TANGO6: variants seen among roughly 807,000 people sequenced by gnomAD.
The protein encoded by TANGO6 is transport and golgi organization 6 homolog.
Under a neutral mutation model 114.2 loss-of-function variants are expected in TANGO6, and 90 were observed. That is an observed-to-expected ratio of 0.79 (90% CI 0.66 to 0.94). The LOEUF (loss-of-function observed/expected upper bound fraction) is 0.94. TANGO6 is among the 40% of genes least tolerant of loss of function. The probability of loss-of-function intolerance (pLI) is 0.00; values close to 1 mark genes in which losing one functional copy is unlikely to be tolerated. For synonymous variants in TANGO6, 477 were observed against 509.8 expected, an observed-to-expected ratio of 0.94 and a Z score of 0.87; for missense variants, 1,274 against 1,315.3, an observed-to-expected ratio of 0.97 and a Z score of 0.49.
intron 11 of TANGO6, among the ~76,000 whole-genome samples, chr16:68,912,744 G>A (rs1962940618): frequency 6.6e-6 from 1 of 151,702 alleles, no homozygotes; most frequent in Non-Finnish European, 1.5e-5. Flanking sequence ...CCCTCTGGAA[G>A]CCACAGGGAC....
intron 15 of TANGO6, among the ~76,000 whole-genome samples, chr16:69,009,269 C>T (rs576527265): frequency 1.7e-3 from 251 of 151,012 alleles, no homozygotes; most frequent in Admixed American, 4.3e-3. Context: ...TTAGTAGAGA[C>T]GGGGTTTCTC....
chr16:68,867,291 G>T, intron 4 of TANGO6, 71 bp downstream of exon 4: 1 of 1,588,518 alleles, frequency 6.3e-7, no homozygotes, highest in East Asian at 2.2e-5. Context: ...GTGAATTATT[G>T]GTCTTTAGTA....
At chr16:68,890,304 G>A (rs983976789) in intron 7 of TANGO6, among the ~76,000 whole-genome samples, 2 of 152,124 alleles carry the variant, frequency 1.3e-5, no homozygotes, top group Non-Finnish European at 2.9e-5. Flanking sequence ...CATTTGTATG[G>A]GGTATATATT....
chr16:68,982,629 C>CATTTTTTTTTTTTTTTTTTTTTTTTTTT (rs1567553024), intron 15 of TANGO6, among the ~76,000 whole-genome samples: 10 of 120,524 alleles, frequency 8.3e-5, no homozygotes, highest in African/African-American at 3.2e-4. Context: ...CATGCCCTGG[C>CATTTTTTTTTTTTTTTTTTTTTTTTTTT]CTTTTTTTTT....
At chr16:68,932,394 A>G (rs1963254811) in intron 14 of TANGO6, among the ~76,000 whole-genome samples, 1 of 152,202 alleles carries the variant, frequency 6.6e-6, no homozygotes, top group African/African-American at 2.4e-5. Context: ...CCTGGCCAAA[A>G]TAAAATTTAA....
intron 15 of TANGO6, among the ~76,000 whole-genome samples, chr16:68,996,320 T>C (rs985792924): frequency 1.3e-5 from 2 of 152,232 alleles, no homozygotes; most frequent in Admixed American, 1.3e-4. Context: ...CATGTCAATC[T>C]AATTTCCTTT....
intron 7 of TANGO6, among the ~76,000 whole-genome samples, chr16:68,892,167 C>A (rs1313173176): frequency 6.6e-6 from 1 of 152,208 alleles, no homozygotes; most frequent in Non-Finnish European, 1.5e-5. Context: ...CTGCTGCCTT[C>A]AAGGCGTTCC....
chr16:69,079,329 A>AAAAC (rs771278559), intron 17 of TANGO6, among the ~76,000 whole-genome samples: 5 of 149,202 alleles, frequency 3.4e-5, no homozygotes, highest in East Asian at 1.9e-4. Flanking sequence ...AACTGTCTCA[A>AAAAC]AAACAAATAA....
At chr16:68,928,222 A>G in intron 13 of TANGO6, 139 bp downstream of exon 13, 2 of 899,024 alleles carry the variant, frequency 2.2e-6, no homozygotes, top group Non-Finnish European at 3.2e-6. Flanking sequence ...TGAGGAGGCA[A>G]CACTTAGACA....
intron 7 of TANGO6, among the ~76,000 whole-genome samples, chr16:68,890,671 G>A (rs1962600429): frequency 6.6e-6 from 1 of 152,094 alleles, no homozygotes; most frequent in African/African-American, 2.4e-5. Flanking sequence ...GATCGCTTGA[G>A]GTCAGGAGTT....
At chr16:68,995,336 A>G (rs181823226) in intron 15 of TANGO6, among the ~76,000 whole-genome samples, 32 of 152,354 alleles carry the variant, frequency 2.1e-4, no homozygotes, top group Non-Finnish European at 1.2e-4. Flanking sequence ...GGGTCCTGAC[A>G]TGTAGACACC....
intron 17 of TANGO6, among the ~76,000 whole-genome samples, chr16:69,050,576 G>A (rs760425434): frequency 1.5e-4 from 22 of 150,796 alleles, no homozygotes; most frequent in Non-Finnish European, 3.1e-4. Flanking sequence ...TGCAACCTCC[G>A]CCTCCCGGGT....
chr16:68,859,668 A>G (rs1231059507), intron 1 of TANGO6, among the ~76,000 whole-genome samples: 1 of 152,224 alleles, frequency 6.6e-6, no homozygotes, highest in Non-Finnish European at 1.5e-5. Flanking sequence ...ACGTTAGTAC[A>G]CTACTCCAAT....
chr16:68,987,659 T>G (rs1963909281), intron 15 of TANGO6, among the ~76,000 whole-genome samples: 1 of 152,234 alleles, frequency 6.6e-6, no homozygotes, highest in Non-Finnish European at 1.5e-5. Context: ...CATGAGCCAC[T>G]GCACCCAGCC....
In TANGO6 at chr16:68,974,137, G is replaced by A. The variant is rs1963737800; in HGVS notation, c.2811G>A (p.Gly937=). Residue 937 remains glycine (G), a synonymous_variant, in exon 15 of 18, where the codon GGG becomes GGA. Coordinates refer to ENST00000261778, the MANE Select transcript of TANGO6 (RefSeq NM_024562.2). The part of the protein sequence containing the change: ...KHTPETRMKV[G]EVLMRIVRAL... ...CACCAGAGACCAGAATGAAAGTCGGGGAAGTCCTTATGCGAATCGTCAGGG... is the reference window on the plus strand; with the variant it reads ...CACCAGAGACCAGAATGAAAGTCGGAGAAGTCCTTATGCGAATCGTCAGGG... The A allele has an allele frequency of 6.2e-7, 1 of 1,613,822 alleles. No individual in the cohort carries two copies. Among genetic ancestry groups the A allele is most frequent in the Non-Finnish European group, 8.5e-7 (1 of 1,179,870 alleles).
rs541104586 is a variant in TANGO6, at chr16:69,083,480, T to G, written c.3109-5T>G. The G allele has an allele frequency of 1.2e-6, 2 of 1,606,070 alleles. No homozygotes were observed. The highest frequency in any genetic ancestry group is 4.5e-5 in the East Asian group (2 of 44,752). Reference sequence around the variant, plus strand: ...CAGGCGGTCATGGCTGTCTCTCTCATGCAGGTGCTGAGCGCCGTCCTCAAG... The same window carrying G: ...CAGGCGGTCATGGCTGTCTCTCTCAGGCAGGTGCTGAGCGCCGTCCTCAAG... On this transcript the variant is annotated splice_polypyrimidine_tract_variant and splice_region_variant and intron_variant, in intron 17 of 17. Coordinates refer to ENST00000261778, the MANE Select transcript of TANGO6 (RefSeq NM_024562.2).
intron 17 of TANGO6, among the ~76,000 whole-genome samples, chr16:69,075,782 T>G: frequency 6.7e-6 from 1 of 149,322 alleles, no homozygotes; most frequent in South Asian, 2.1e-4. Flanking sequence ...TTTTTTTTTT[T>G]GAGACAGAGT....
intron 4 of TANGO6, 137 bp from the exon 5 acceptor site, chr16:68,875,017 A>T: frequency 4.7e-6 from 4 of 842,222 alleles, no homozygotes; most frequent in Non-Finnish European, 6.8e-6. Context: ...AGGGTAGATT[A>T]TCTTATAGAA....
At position 68,977,312 on chromosome 16, in the gene TANGO6, G is replaced by GT. The variant is rs373558423; in HGVS notation, c.2842+3155dup. Among the ~76,000 whole-genome samples the GT allele has an allele frequency of 7.2e-3, 1,039 of 145,154 alleles. 4 individuals carry two copies. The highest frequency in any genetic ancestry group is 0.022 in the Middle Eastern group (6 of 276). On this transcript the variant is annotated intron_variant, in intron 15 of 17. Coordinates refer to ENST00000261778, the MANE Select transcript of TANGO6 (RefSeq NM_024562.2). ...TGAGAGTGAAATTTATTTTGTTTTT[G>GT]TTTTTTTTTTTCTTTTCTGACCAAT...
Sources: gnomAD v4.1 joint callset for allele counts (sites outside exome capture counted in the v4.1 genomes callset) on GRCh38, gnomAD v4.1.1 for gene constraint, MANE v1.5 for transcripts, NCBI Gene and HGNC (gene_info 2026-07-23, HGNC 2026-07-21) for gene names.